UTRN: variants seen among roughly 807,000 people sequenced by gnomAD.
UTRN encodes the protein dystrophin-related protein 1.
UTRN carries 283 observed loss-of-function variants against 463.9 expected under a neutral mutation model. The ratio of observed to expected loss-of-function variants is 0.61; its 90% CI spans 0.55 to 0.67. UTRN has a LOEUF of 0.67. Ranked by LOEUF, UTRN falls within the 30% of genes least tolerant of loss-of-function variation. UTRN has a pLI of 0.00. For synonymous variants in UTRN, 1,442 were observed against 1,431.5 expected (o/e 1.01, Z -0.17); for missense variants, 3,922 against 4,084.3 (o/e 0.96, Z 1.08).
At chr6:144,749,536 G>T (rs1334385329) in intron 55 of UTRN, among the ~76,000 whole-genome samples, 2 of 152,146 alleles carry the variant, frequency 1.3e-5, no homozygotes, top group African/African-American at 4.8e-5. Flanking sequence ...GGAAAGTGCA[G>T]TCATAACATG....
rs903641089 is a variant in UTRN, at chr6:144,509,843, G to A, written c.4765-1101G>A. ...TACTATTTAGATGTAATTACTTGTA[G>A]TTCATTATTTTTTATAGTTCTTAAA... On this transcript the variant is annotated intron_variant, in intron 34 of 74. Transcript: ENST00000367545. 1.3e-4 allele frequency among the ~76,000 whole-genome samples: 20 copies of A among 152,032 alleles called. No individual in the cohort carries two copies. In the South Asian group the frequency reaches 3.1e-3, roughly 24 times the overall value.
At chr6:144,581,181 G>T (rs963341964) in intron 51 of UTRN, among the ~76,000 whole-genome samples, 4 of 152,322 alleles carry the variant, frequency 2.6e-5, no homozygotes, top group Non-Finnish European at 2.9e-5. Flanking sequence ...TCAGATAAGA[G>T]TATTTGGCCA....
At chr6:144,629,660 C>T (rs887889778) in intron 51 of UTRN, among the ~76,000 whole-genome samples, 23 of 152,156 alleles carry the variant, frequency 1.5e-4, no homozygotes, top group African/African-American at 5.6e-4. Context: ...TTGGATTGTT[C>T]CTGGTGCTTT....
At position 144,577,146 on chromosome 6, in the gene UTRN, A is replaced by G. The variant is rs1376474330; in HGVS notation, c.7337A>G (p.Gln2446Arg). The G allele has an allele frequency of 6.2e-7, 1 of 1,613,938 alleles. No individual in the cohort carries two copies. Among genetic ancestry groups the G allele is most frequent in the South Asian group, 1.1e-5 (1 of 91,078 alleles). ...NALEAEWRTV[Q>R]ASRRDLENFL... ...TTGGAGGCTGAGTGGAGGACGGTGC[A>G]GGCCTCTCGCAGAGATCTGGAAAAC... The change falls in exon 51 of 75, where the codon CAG (glutamine) becomes CGG (arginine). Residue 2446 changes from glutamine to arginine, a missense_variant. Physicochemically the swap from Gln to Arg is conservative, Grantham distance 43. This residue lies in a region of UTRN where 1,309 missense variants were observed against 1,452.6 expected (regional missense o/e 0.90). Coordinates refer to ENST00000367545, the MANE Select transcript of UTRN (RefSeq NM_007124.3).
At chr6:144,583,207 C>A (rs1037147599) in intron 51 of UTRN, 1 of 327,320 alleles carries the variant, frequency 3.1e-6, no homozygotes, top group Non-Finnish European at 5.5e-6. Flanking sequence ...CTTGGCTGCT[C>A]GACAACTTCC....
intron 52 of UTRN, among the ~76,000 whole-genome samples, chr6:144,684,560 G>C (rs1410658687): frequency 1.3e-5 from 2 of 152,162 alleles, no homozygotes; most frequent in Non-Finnish European, 2.9e-5. Context: ...TCAATTTCCA[G>C]GAGATCAAGG....
At chr6:144,353,464 C>T (rs1404036487) in intron 2 of UTRN, among the ~76,000 whole-genome samples, 3 of 150,302 alleles carry the variant, frequency 2.0e-5, no homozygotes, top group Non-Finnish European at 3.0e-5. Context: ...TCACTATTCC[C>T]AGGTTAGGGT....
chr6:144,659,381 G>A (rs554684546), intron 51 of UTRN, among the ~76,000 whole-genome samples: 2 of 152,304 alleles, frequency 1.3e-5, no homozygotes, highest in Admixed American at 6.5e-5. Context: ...ATCAGCCAGG[G>A]GAGCTGCCAG....
chr6:144,741,187 G>A (rs1264940473), intron 54 of UTRN, among the ~76,000 whole-genome samples: 1 of 152,046 alleles, frequency 6.6e-6, no homozygotes, highest in African/African-American at 2.4e-5. Context: ...ACTTATTTTG[G>A]CAGTACATAA....
rs761994063 is a variant in UTRN, at chr6:144,482,265, C to T, written c.3564C>T (p.Asn1188=). The change falls in exon 27 of 75, where the codon AAC becomes AAT. Residue 1188 remains asparagine, a synonymous_variant. Transcript: ENST00000367545. The part of the protein sequence containing the change: ...KEVRVKILKD[N]IKLLAAKVPS... ...TGAGAGTGAAGATTCTCAAGGACAA[C>T]ATCAAGTTATTAGCTGCCAAGGTGC... The T allele has an allele frequency of 6.2e-7, 1 of 1,608,026 alleles. No individual in the cohort carries two copies. Among genetic ancestry groups the T allele is most frequent in the Non-Finnish European group, 8.5e-7 (1 of 1,178,136 alleles).
At chr6:144,785,107 T>A (rs73007419) in intron 61 of UTRN, among the ~76,000 whole-genome samples, 3 of 152,264 alleles carry the variant, frequency 2.0e-5, no homozygotes, top group Non-Finnish European at 1.5e-5. Context: ...TAATTTTCTT[T>A]GAGAATCAGA....
At chr6:144,758,074 T>G (rs765827686) in intron 58 of UTRN, 85 bp downstream of exon 58, 39 of 1,198,728 alleles carry the variant, frequency 3.3e-5, no homozygotes, top group Non-Finnish European at 4.1e-5. Context: ...CCATAACTTT[T>G]AAAAATAGAA....
chr6:144,781,553 A>G (rs1046292719), intron 60 of UTRN, among the ~76,000 whole-genome samples: 2 of 152,282 alleles, frequency 1.3e-5, no homozygotes, highest in Non-Finnish European at 1.5e-5. Context: ...GAGCAGTGTA[A>G]TATTTGAGAT....
chr6:144,549,598 A>C (rs1360499710), intron 47 of UTRN, among the ~76,000 whole-genome samples: 1 of 152,206 alleles, frequency 6.6e-6, no homozygotes, highest in Non-Finnish European at 1.5e-5. Context: ...TAGCAAGGCA[A>C]GAGTCTAATA....
chr6:144,456,285 A>G (rs551520843), intron 19 of UTRN, among the ~76,000 whole-genome samples: 1 of 152,302 alleles, frequency 6.6e-6, no homozygotes, highest in East Asian at 1.9e-4. Context: ...GCCAATTCTG[A>G]TAGGTCTTTC....
chr6:144,455,191 C>G (rs1357801031), intron 19 of UTRN, among the ~76,000 whole-genome samples: 2 of 152,020 alleles, frequency 1.3e-5, no homozygotes, highest in Non-Finnish European at 2.9e-5. Context: ...TGAAATTATG[C>G]AAATGTATTA....
chr6:144,302,126 C>T (rs572351590), intron 2 of UTRN, among the ~76,000 whole-genome samples: 3 of 152,166 alleles, frequency 2.0e-5, no homozygotes, highest in Non-Finnish European at 4.4e-5. Context: ...GTTTGTGGCC[C>T]TTCTGGCTTG....
At position 144,470,871 on chromosome 6, in the gene UTRN, C is replaced by T. The variant is rs2128567348; in HGVS notation, c.3067-2849C>T. Among the ~76,000 whole-genome samples the T allele has an allele frequency of 2.0e-5, 3 of 151,876 alleles. 1 individual carries two copies. The South Asian group carries it at 6.3e-4, about 32-fold the overall frequency. On this transcript the variant is annotated intron_variant, in intron 23 of 74. Coordinates refer to ENST00000367545, the MANE Select transcript of UTRN (RefSeq NM_007124.3). ...GAAACCCCGTCTCCACCAAAAAATA[C>T]AAAAACCAGTCAGGCGTGGCGGCGC... is the stretch of plus-strand genomic sequence containing the variant.
chr6:144,798,126 A>G, intron 64 of UTRN, 136 bp downstream of exon 64: 3 of 1,160,348 alleles, frequency 2.6e-6, no homozygotes, highest in Non-Finnish European at 3.6e-6. Context: ...AGTATGTCTC[A>G]TCTATCTAAA....
Sources: allele counts gnomAD v4.1 joint callset (sites outside exome capture counted in the v4.1 genomes callset), GRCh38; gene constraint gnomAD v4.1.1; regional missense constraint gnomAD v4.1.1; transcripts MANE v1.5; gene names NCBI Gene and HGNC (gene_info 2026-07-23, HGNC 2026-07-21).